The following ITSN1 variants were observed in gnomAD, a reference collection of about 807,000 sequenced individuals.
ITSN1 encodes intersectin-1.
Under a neutral mutation model 239.8 loss-of-function variants are expected in ITSN1, and 58 were observed. That is an observed-to-expected ratio of 0.24 (90% CI 0.20 to 0.30). ITSN1 has a LOEUF of 0.30. Ranked by LOEUF, ITSN1 falls within the 10% of genes least tolerant of loss-of-function variation. ITSN1 has a pLI of 1.00. For synonymous variants in ITSN1, 780 were observed against 770.8 expected (o/e 1.01, Z -0.20); for missense variants, 1,558 against 2,103.3 (o/e 0.74, Z 5.07).
intron 33 of ITSN1, among the ~76,000 whole-genome samples, chr21:33,870,052 G>T (rs1412825432): frequency 6.6e-6 from 1 of 151,972 alleles, no homozygotes; most frequent in Admixed American, 6.6e-5. Context: ...TCCTCAATGT[G>T]TTTCCTTATT....
Position 33,794,398 on chromosome 21 carries a change from G to A in ITSN1, c.1882G>A (p.Glu628Lys), listed in dbSNP as rs373408649. The change falls in exon 17 of 40, where the codon GAA (glutamate) becomes AAA (lysine). Residue 628 changes from glutamate to lysine, a missense_variant. Glu to Lys is a moderately conservative substitution (Grantham distance 56, BLOSUM62 1). Around this residue, in one of 2 missense-constraint regions of ITSN1, gnomAD observed 982 missense variants for 1,209.9 expected, o/e 0.81. Transcript: ENST00000381318. ...CCAGAAGCAAAAGTCCATGGAGGCT[G>A]AACGACTGAAACAGAAAGAACAAGA... ...QLQKQKSMEA[E>K]RLKQKEQERK... 22 of 1,613,954 alleles carry A rather than the reference G, an allele frequency of 1.4e-5. No individual in the cohort carries two copies. The highest frequency in any genetic ancestry group is 1.7e-5 in the Non-Finnish European group (20 of 1,179,938).
chr21:33,817,129 A>G (rs201949064), intron 22 of ITSN1: 3 of 1,190,308 alleles, frequency 2.5e-6, no homozygotes, highest in South Asian at 3.1e-5. Context: ...CATATATATG[A>G]TTGAAAGTTG....
intron 25 of ITSN1, 21 bp downstream of exon 25, chr21:33,823,674 T>G: frequency 6.2e-7 from 1 of 1,603,190 alleles, no homozygotes; most frequent in East Asian, 2.2e-5. Flanking sequence ...ATTAACTGTT[T>G]CCTCTCCCTT....
intron 1 of ITSN1, among the ~76,000 whole-genome samples, chr21:33,713,828 CTTTTTTTTTT>C (rs35226795): frequency 4.5e-5 from 4 of 89,364 alleles, no homozygotes; most frequent in Non-Finnish European, 5.8e-5. Flanking sequence ...CCAGCCTCAT[CTTTTTTTTTT>C]TTTTTTTTTT....
chr21:33,648,562 T>C (rs1186355192), intron 1 of ITSN1, among the ~76,000 whole-genome samples: 1 of 152,126 alleles, frequency 6.6e-6, no homozygotes, highest in East Asian at 1.9e-4. Flanking sequence ...GAAATTAGCT[T>C]TGGGACCGGT....
chr21:33,876,186 CTT>C, intron 34 of ITSN1, among the ~76,000 whole-genome samples: 1 of 121,588 alleles, frequency 8.2e-6, no homozygotes, highest in Non-Finnish European at 1.7e-5. Flanking sequence ...TCCTTCCTTC[CTT>C]CTCTCTTTCT....
rs963036989 is a variant in ITSN1 at position 33,673,495 on chromosome 21, T to C, written c.-33+30782T>C. 5.9e-5 allele frequency among the ~76,000 whole-genome samples: 9 copies of C among 152,336 alleles called. 1 individual carries two copies. The highest frequency in any genetic ancestry group is 6.8e-3 in the Middle Eastern group (2 of 294). On this transcript the variant is annotated intron_variant, in intron 1 of 39. Transcript: ENST00000381318. ...ACATCGTGTCATGTACCTTAAATTA[T>C]ACAATAAACAAAGAAGAGGTGCCGG...
intron 4 of ITSN1, among the ~76,000 whole-genome samples, chr21:33,730,550 G>A (rs1333464369): frequency 1.3e-5 from 2 of 151,450 alleles, no homozygotes; most frequent in African/African-American, 2.4e-5. Flanking sequence ...ACAGGCACGT[G>A]CCACCATGCC....
Position 33,875,494 on chromosome 21 carries a change from C to A in ITSN1, c.4314C>A (p.Ala1438=), listed in dbSNP as rs141391512. 1.3e-4 allele frequency: 204 copies of A among 1,614,094 alleles called. 1 individual carries two copies. The African/African-American group carries it at 2.5e-3, about 20-fold the overall frequency. Residue 1438 remains alanine (A), a synonymous_variant, in exon 34 of 40, where the codon GCC becomes GCA. Coordinates refer to ENST00000381318, the MANE Select transcript of ITSN1 (RefSeq NM_003024.3). ...CTGACCGGCTGGAGTGGATCCAGGC[C>A]CACGTGCAGTGTGAAGGCCTGTCTG... ...ENSDRLEWIQ[A]HVQCEGLSEQ... is the part of the protein sequence containing the mutation.
chr21:33,704,923 T>TAAAAAAAAAAAAAAA (rs55966725), intron 1 of ITSN1, among the ~76,000 whole-genome samples: 3 of 93,686 alleles, frequency 3.2e-5, no homozygotes, highest in Admixed American at 1.2e-4. Flanking sequence ...CCATCTCTAC[T>TAAAAAAAAAAAAAAA]AAAAAAAAAA....
intron 1 of ITSN1, among the ~76,000 whole-genome samples, chr21:33,680,804 A>G (rs995708477): frequency 5.9e-5 from 9 of 152,336 alleles, no homozygotes; most frequent in Middle Eastern, 3.4e-3. Flanking sequence ...TAGAACATTA[A>G]GTTGTAAACC....
intron 7 of ITSN1, among the ~76,000 whole-genome samples, chr21:33,753,244 C>G (rs778596799): frequency 6.6e-6 from 1 of 152,108 alleles, no homozygotes; most frequent in Non-Finnish European, 1.5e-5. Context: ...CATTTAATTG[C>G]GGTTTTACCC....
chr21:33,672,858 C>T (rs140602930), intron 1 of ITSN1, among the ~76,000 whole-genome samples: 3,455 of 152,232 alleles, frequency 0.023, 139 homozygotes, highest in African/African-American at 0.08. Context: ...ACTACAGGTG[C>T]GTGCCACCAC....
intron 1 of ITSN1, among the ~76,000 whole-genome samples, chr21:33,682,072 T>TA (rs148649088): frequency 0.15 from 22,651 of 148,528 alleles, 1,800 homozygotes; most frequent in Admixed American, 0.22. Context: ...ATTATGTGCT[T>TA]AAAAAAAAAA....
At chr21:33,775,463 A>AG (rs1221297364) in intron 14 of ITSN1, among the ~76,000 whole-genome samples, 1 of 152,228 alleles carries the variant, frequency 6.6e-6, no homozygotes, top group Non-Finnish European at 1.5e-5. Context: ...GAGAGTGAGT[A>AG]GGGAAGGGAA....
intron 25 of ITSN1, 149 bp from the exon 26 acceptor site, chr21:33,826,669 T>C: frequency 1.6e-6 from 1 of 644,670 alleles, no homozygotes; most frequent in Non-Finnish European, 2.8e-6. Context: ...CTGATCTATA[T>C]CCTTGTGTCA....
intron 17 of ITSN1, 41 bp downstream of exon 17, chr21:33,794,509 T>C: frequency 6.3e-7 from 1 of 1,576,404 alleles, no homozygotes; most frequent in African/African-American, 1.4e-5. Context: ...GGAAGGAACT[T>C]TGAGGATTTA....
chr21:33,723,080 T>G (rs759989986), intron 4 of ITSN1, among the ~76,000 whole-genome samples: 9 of 152,228 alleles, frequency 5.9e-5, no homozygotes, highest in Non-Finnish European at 1.0e-4. Flanking sequence ...ATCCATAACA[T>G]TAATAGATAA....
At chr21:33,832,144 C>A (rs1157125161) in intron 27 of ITSN1, among the ~76,000 whole-genome samples, 3 of 152,174 alleles carry the variant, frequency 2.0e-5, no homozygotes, top group African/African-American at 7.2e-5. Flanking sequence ...CTTTGAAACA[C>A]CAGCACCCCC....
Sources: gnomAD v4.1 joint callset for allele counts (sites outside exome capture counted in the v4.1 genomes callset) on GRCh38, gnomAD v4.1.1 for gene constraint, gnomAD v4.1.1 regional missense constraint, MANE v1.5 for transcripts, NCBI Gene and HGNC (gene_info 2026-07-23, HGNC 2026-07-21) for gene names.